RYR3: variants seen among roughly 807,000 people sequenced by gnomAD.
The protein encoded by RYR3 is brain ryanodine receptor-calcium release channel.
In RYR3, 207 loss-of-function variants were observed where a neutral mutation model predicts 584.3. The ratio of observed to expected loss-of-function variants is 0.35; its 90% CI spans 0.32 to 0.40. RYR3 has a LOEUF of 0.40. RYR3 is among the 10% of genes least tolerant of loss of function. RYR3 has a pLI of 1.00. For synonymous variants in RYR3, 2,416 were observed against 2,248.5 expected, an observed-to-expected ratio of 1.07 and a Z score of -2.11; for missense variants, 5,616 against 6,089.2, an observed-to-expected ratio of 0.92 and a Z score of 2.59.
chr15:33,550,262 A>C lies in RYR3; in HGVS notation c.918A>C (p.Gln306His), dbSNP rs952295218. The C allele has an allele frequency of 6.2e-7, 1 of 1,613,630 alleles. No individual in the cohort carries two copies. Among genetic ancestry groups the C allele is most frequent in the African/African-American group, 1.3e-5 (1 of 74,946 alleles). The stretch of plus-strand genomic sequence containing the variant: ...CAGAAGACCAAGGCCTTATACTGCA[A>C]GACCGGGCAAAGTCAGACACCAAGT... ...ALTEDQGLILQDRAKSDTKST... is the reference protein window; with the variant it reads ...ALTEDQGLILHDRAKSDTKST... Residue 306 changes from glutamine to histidine, a missense_variant, in exon 10 of 104, where the codon CAA (glutamine) becomes CAC (histidine). By Grantham distance (24) the Gln-to-His change is conservative (BLOSUM62 0). Transcript: ENST00000634891.
At chr15:33,362,397 GTCA>G (rs576413715) in intron 1 of RYR3, among the ~76,000 whole-genome samples, 9 of 152,052 alleles carry the variant, frequency 5.9e-5, no homozygotes, top group South Asian at 2.1e-4. Context: ...AATGTCTGTC[GTCA>G]TCATCATCAT....
intron 1 of RYR3, among the ~76,000 whole-genome samples, chr15:33,393,824 T>A (rs2042143910): frequency 6.6e-6 from 1 of 152,174 alleles, no homozygotes; most frequent in Admixed American, 6.5e-5. Context: ...GTTTTTCTGA[T>A]CTACTTCAGG....
intron 75 of RYR3, among the ~76,000 whole-genome samples, chr15:33,817,263 G>C (rs1249670626): frequency 1.3e-5 from 2 of 152,140 alleles, no homozygotes; most frequent in Non-Finnish European, 2.9e-5. Flanking sequence ...AGCACCACTG[G>C]TTGCAGGAGG....
At chr15:33,612,842 AGTCT>A (rs1449092737) in intron 18 of RYR3, among the ~76,000 whole-genome samples, 10 of 152,210 alleles carry the variant, frequency 6.6e-5, no homozygotes, top group South Asian at 6.2e-4. Context: ...CAGCAAAAGC[AGTCT>A]GTCTGTTACT....
chr15:33,777,079 T>C (rs1211888054), intron 64 of RYR3, among the ~76,000 whole-genome samples: 7 of 152,246 alleles, frequency 4.6e-5, no homozygotes, highest in Non-Finnish European at 8.8e-5. Flanking sequence ...TCCTAACTAT[T>C]CAAGAGGCTG....
chr15:33,852,845 C>G (rs1382610890), intron 94 of RYR3, 200 bp from the exon 95 acceptor site: 1 of 514,130 alleles, frequency 1.9e-6, no homozygotes, highest in Admixed American at 3.7e-5. Flanking sequence ...GTTTCAAAAG[C>G]CAATACAAAG....
intron 100 of RYR3, among the ~76,000 whole-genome samples, chr15:33,860,145 G>C (rs1054516328): frequency 7.9e-5 from 12 of 152,200 alleles, no homozygotes; most frequent in Non-Finnish European, 1.5e-4. Flanking sequence ...CAAGATTGGA[G>C]AAAGATGATA....
At chr15:33,836,814 C>G (rs2078084911) in intron 87 of RYR3, 92 bp from the exon 88 acceptor site, 3 of 966,904 alleles carry the variant, frequency 3.1e-6, no homozygotes, top group Non-Finnish European at 4.8e-6. Flanking sequence ...CAGCCTGCAC[C>G]TAACCTTTCC....
chr15:33,773,691 T>C, intron 64 of RYR3, 76 bp downstream of exon 64: 1 of 970,228 alleles, frequency 1.0e-6, no homozygotes, highest in Non-Finnish European at 1.6e-6. Context: ...CACTTAATGA[T>C]ATCATTTCAA....
chr15:33,848,520 G>T, intron 94 of RYR3, 99 bp downstream of exon 94: 1 of 1,396,416 alleles, frequency 7.2e-7, no homozygotes, highest in Non-Finnish European at 9.6e-7. Context: ...AATATAAACT[G>T]TCTTTTGATT....
chr15:33,808,440 T>A (rs1448164284), intron 70 of RYR3, among the ~76,000 whole-genome samples: 1 of 152,122 alleles, frequency 6.6e-6, no homozygotes, highest in Non-Finnish European at 1.5e-5. Context: ...AAATAGAGAG[T>A]GAGCAGGAAA....
At chr15:33,433,090 G>A (rs771140161) in intron 1 of RYR3, among the ~76,000 whole-genome samples, 2 of 152,100 alleles carry the variant, frequency 1.3e-5, no homozygotes, top group Admixed American at 6.5e-5. Context: ...TCTAGAGGAA[G>A]ATAAAATGGG....
intron 3 of RYR3, among the ~76,000 whole-genome samples, chr15:33,504,253 G>T (rs1426309241): frequency 6.6e-6 from 1 of 152,162 alleles, no homozygotes; most frequent in African/African-American, 2.4e-5. Context: ...AGTTTCCATT[G>T]TCAGTAAAAT....
intron 1 of RYR3, among the ~76,000 whole-genome samples, chr15:33,384,527 TATTA>T: frequency 6.8e-6 from 1 of 146,528 alleles, no homozygotes; most frequent in Middle Eastern, 3.6e-3. Flanking sequence ...AATATAATAA[TATTA>T]ATTTAATTAA....
Position 33,444,169 on chromosome 15 carries a change from G to A in RYR3, c.52-29250G>A, listed in dbSNP as rs112829538. ...ATTTCATGGGTTCCCTGTGGGGTTC[G>A]TGTACAAAGCCAGGGCCAAGAGGCT... On this transcript the variant is annotated intron_variant, in intron 1 of 103. Transcript: ENST00000634891. Among the ~76,000 whole-genome samples the A allele has an allele frequency of 1.9e-3, 283 of 152,234 alleles. 1 individual carries two copies. The highest frequency in any genetic ancestry group is 6.4e-3 in the African/African-American group (264 of 41,546).
intron 48 of RYR3, among the ~76,000 whole-genome samples, chr15:33,735,413 C>T (rs1319882375): frequency 6.6e-6 from 1 of 152,148 alleles, no homozygotes; most frequent in African/African-American, 2.4e-5. Flanking sequence ...GGATTTCTTC[C>T]CTGGCATTCC....
intron 12 of RYR3, among the ~76,000 whole-genome samples, chr15:33,570,195 T>C (rs1472877856): frequency 6.6e-6 from 1 of 152,188 alleles, no homozygotes; most frequent in Non-Finnish European, 1.5e-5. Flanking sequence ...TCTAAAAGTT[T>C]CAAAATTTTA....
rs73372037 is a variant in RYR3 at position 33,821,436 on chromosome 15, C to T, written c.10915+67C>T. ...AAAGATATCATGCTGTGACATACAG[C>T]CATTATTAAAGAGCCCTGCTAAGGC... On this transcript the variant is annotated intron_variant, in intron 79 of 103. Coordinates refer to ENST00000634891, the MANE Select transcript of RYR3 (RefSeq NM_001036.6). The T allele has an allele frequency of 0.013, 20,876 of 1,586,108 alleles. 2,150 individuals are homozygous for T. The African/African-American group carries it at 0.23, about 18-fold the overall frequency.
At chr15:33,435,709 C>T (rs2045645300) in intron 1 of RYR3, among the ~76,000 whole-genome samples, 1 of 152,180 alleles carries the variant, frequency 6.6e-6, no homozygotes, top group African/African-American at 2.4e-5. Context: ...TTGATTGTTC[C>T]TCCCGGTAGG....
Sources: gnomAD v4.1 joint callset for allele counts (sites outside exome capture counted in the v4.1 genomes callset) on GRCh38, gnomAD v4.1.1 for gene constraint, MANE v1.5 for transcripts, NCBI Gene and HGNC (gene_info 2026-07-23, HGNC 2026-07-21) for gene names.